The following NAV1 variants were observed in gnomAD, a reference collection of about 807,000 sequenced individuals.
NAV1 encodes pore membrane and/or filament interacting like protein 3.
Under a neutral mutation model 175.2 loss-of-function variants are expected in NAV1, and 18 were observed. That is an observed-to-expected ratio of 0.10 (90% CI 0.07 to 0.15). The LOEUF is 0.15. NAV1 is among the 10% of genes least tolerant of loss of function. The probability of loss-of-function intolerance (pLI) is 1.00; values close to 1 mark genes in which losing one functional copy is unlikely to be tolerated. For missense variants in NAV1, 1,731 were observed against 2,436.6 expected, an observed-to-expected ratio of 0.71 and a Z score of 6.10; for synonymous variants, 897 against 978.7, an observed-to-expected ratio of 0.92 and a Z score of 1.56.
At chr1:201,784,051 A>G (rs1676528467) in intron 7 of NAV1, among the ~76,000 whole-genome samples, 199 bp downstream of exon 11, 1 of 152,254 alleles carries the variant, frequency 6.6e-6, no homozygotes, top group Non-Finnish European at 1.5e-5. Flanking sequence ...TTATTCTTAT[A>G]TTAAAAATGA....
intron 1 of NAV1, among the ~76,000 whole-genome samples, chr1:201,566,903 C>T (rs944845507): frequency 2.6e-5 from 4 of 151,852 alleles, no homozygotes; most frequent in East Asian, 1.9e-4. Context: ...TTTTCTGTAT[C>T]GATCAAATCT....
chr1:201,738,161 T>C (rs1290865110), intron 3 of NAV1, among the ~76,000 whole-genome samples: 1 of 151,874 alleles, frequency 6.6e-6, no homozygotes, highest in Admixed American at 6.6e-5. Flanking sequence ...GTGCATCTTT[T>C]CTAAGTCTTA....
At chr1:201,678,038 G>T (rs183137612) in intron 1 of NAV1, among the ~76,000 whole-genome samples, 2 of 152,316 alleles carry the variant, frequency 1.3e-5, no homozygotes, top group African/African-American at 4.8e-5. Context: ...CTGGTGACCT[G>T]CTCAGAATGG....
At chr1:201,729,614 T>C (rs1021768745) in intron 3 of NAV1, among the ~76,000 whole-genome samples, 1 of 145,922 alleles carries the variant, frequency 6.9e-6, no homozygotes, top group South Asian at 2.2e-4. Flanking sequence ...TCTTAAAAAA[T>C]AACACTTGGT....
At chr1:201,789,931 T>G (rs893957118) in intron 11 of NAV1, 139 bp downstream of exon 15, 1 of 796,214 alleles carries the variant, frequency 1.3e-6, no homozygotes, top group African/African-American at 1.7e-5. Context: ...GGGGTGGGAA[T>G]GGGGGAGGCA....
chr1:201,616,574 G>A (rs1367209304), intron 2 of NAV1, among the ~76,000 whole-genome samples: 1 of 151,774 alleles, frequency 6.6e-6, no homozygotes, highest in Non-Finnish European at 1.5e-5. Context: ...TGCAACCTCC[G>A]CCTCCCAGGT....
At chr1:201,726,261 A>G (rs1309059237) in intron 3 of NAV1, among the ~76,000 whole-genome samples, 1 of 152,208 alleles carries the variant, frequency 6.6e-6, no homozygotes, top group African/African-American at 2.4e-5. Flanking sequence ...GTTCATTTGT[A>G]AAAAAGGTAA....
intron 3 of NAV1, among the ~76,000 whole-genome samples, chr1:201,739,055 C>T (rs949625234): frequency 3.9e-4 from 60 of 152,136 alleles, no homozygotes; most frequent in African/African-American, 1.3e-3. Context: ...ACCAGGAGGA[C>T]CCTCAGGGGG....
At chr1:201,675,106 G>A (rs1193276585) in intron 1 of NAV1, among the ~76,000 whole-genome samples, 1 of 151,242 alleles carries the variant, frequency 6.6e-6, no homozygotes, top group Non-Finnish European at 1.5e-5. Flanking sequence ...CATGACCCAA[G>A]CACTTCCCAT....
chr1:201,629,636 T>G, intron 2 of NAV1, 129 bp downstream of exon 4: 1 of 512,024 alleles, frequency 2.0e-6, no homozygotes, highest in Non-Finnish European at 3.2e-6. Flanking sequence ...ACCTGTGAAT[T>G]GCACTTTGAG....
intron 3 of NAV1, among the ~76,000 whole-genome samples, chr1:201,736,191 C>T (rs1043225348): frequency 6.6e-6 from 1 of 152,078 alleles, no homozygotes; most frequent in Non-Finnish European, 1.5e-5. Context: ...TTGATGGGAA[C>T]GAGAAGACAT....
intron 14 of NAV1, 147 bp from the exon 19 acceptor site, chr1:201,794,318 AT>A (rs1412095587): frequency 1.4e-6 from 1 of 716,600 alleles, no homozygotes; most frequent in Non-Finnish European, 2.5e-6. Context: ...CGCCCAGCTA[AT>A]TTTTGTATTT....
intron 3 of NAV1, among the ~76,000 whole-genome samples, chr1:201,759,863 T>A (rs1674732460): frequency 6.6e-6 from 1 of 152,220 alleles, no homozygotes; most frequent in Non-Finnish European, 1.5e-5. Context: ...AGGGTGCTAG[T>A]TGAGGGATTG....
At chr1:201,671,995 T>A (rs1670063115) in intron 1 of NAV1, among the ~76,000 whole-genome samples, 1 of 152,192 alleles carries the variant, frequency 6.6e-6, no homozygotes. Context: ...TCCCACTCTA[T>A]CAGCAGTGTC....
chr1:201,596,872 C>T (rs1348756832), intron 2 of NAV1, among the ~76,000 whole-genome samples: 1 of 152,170 alleles, frequency 6.6e-6, no homozygotes. Context: ...GTTGCCCAGG[C>T]TGGAGTGCAA....
intron 1 of NAV1, among the ~76,000 whole-genome samples, chr1:201,709,144 C>CAAAAAA (rs112333135): frequency 8.5e-6 from 1 of 117,380 alleles, no homozygotes; most frequent in African/African-American, 3.2e-5. Flanking sequence ...GACCCTGTCT[C>CAAAAAA]CAAAAAAAAA....
chr1:201,603,815 T>C (rs1352826135), intron 2 of NAV1, among the ~76,000 whole-genome samples: 1 of 152,236 alleles, frequency 6.6e-6, no homozygotes, highest in Non-Finnish European at 1.5e-5. Flanking sequence ...GTAGGTGCAT[T>C]ACTCTGGATG....
At position 201,772,078 on chromosome 1, in the gene NAV1, C is replaced by T. The variant is rs768315033; in HGVS notation, c.1227-8343C>T. Among the ~76,000 whole-genome samples, 5 of 152,132 alleles carry T rather than the reference C, an allele frequency of 3.3e-5. No individual in the cohort carries two copies. The East Asian group carries it at 7.7e-4, about 23-fold the overall frequency. On this transcript the variant is annotated intron_variant, in intron 3 of 29. Transcript: ENST00000367296. ...TATACAAGATATTGTATGAGGGGTA[C>T]GAAGAAGCATAAGATTTAATCCTAA...
chr1:201,747,436 A>G (rs1673841015), intron 3 of NAV1, among the ~76,000 whole-genome samples: 1 of 152,238 alleles, frequency 6.6e-6, no homozygotes, highest in Admixed American at 6.5e-5. Flanking sequence ...TATTTCTGCC[A>G]GCGGGTGGAA....
Sources: allele counts gnomAD v4.1 joint callset (sites outside exome capture counted in the v4.1 genomes callset), GRCh38; gene constraint gnomAD v4.1.1; transcripts MANE v1.5; gene names NCBI Gene and HGNC (gene_info 2026-07-23, HGNC 2026-07-21).